ARHGAP12: variants seen among roughly 807,000 people sequenced by gnomAD.
The protein encoded by ARHGAP12 is rho GTPase-activating protein 12.
A neutral mutation model predicts 108.6 loss-of-function variants in ARHGAP12; 64 were observed. The observed-to-expected ratio is 0.59, with a 90% CI of 0.48 to 0.73. The LOEUF is 0.73. Ranked by LOEUF, ARHGAP12 falls within the 30% of genes least tolerant of loss-of-function variation. The pLI is 0.00. For synonymous variants in ARHGAP12, 312 were observed against 337.2 expected (o/e 0.93, Z 0.82); for missense variants, 940 against 1,005.9 (o/e 0.93, Z 0.89).
rs182245449 is a variant in ARHGAP12 at position 31,897,670 on chromosome 10, C to T, written c.684+10502G>A. Among the ~76,000 whole-genome samples, 10 of 152,180 alleles carry T rather than the reference C, an allele frequency of 6.6e-5. No individual in the cohort carries two copies. The East Asian group carries it at 1.9e-3, about 29-fold the overall frequency. ...AGTTTCTACTCAGATAACCCAATAC[C>T]CCACTTCAGTTCCTATCACCTGATA... On this transcript the variant is annotated intron_variant, in intron 3 of 19. Transcript: ENST00000344936.
chr10:31,854,905 G>A (rs535691593), intron 4 of ARHGAP12, among the ~76,000 whole-genome samples: 23 of 150,408 alleles, frequency 1.5e-4, no homozygotes, highest in Admixed American at 1.0e-3. Flanking sequence ...AAGGCCAGAG[G>A]ATCATTTGAG....
chr10:31,871,752 G>C (rs1837550604), intron 3 of ARHGAP12, among the ~76,000 whole-genome samples: 1 of 152,184 alleles, frequency 6.6e-6, no homozygotes, highest in Non-Finnish European at 1.5e-5. Context: ...CTATCTATCT[G>C]TATCTAGACG....
chr10:31,907,809 T>G (rs558496427), intron 3 of ARHGAP12, among the ~76,000 whole-genome samples: 1 of 152,018 alleles, frequency 6.6e-6, no homozygotes, highest in African/African-American at 2.4e-5. Flanking sequence ...CAAGTCAAAA[T>G]GGGTACAGGT....
At chr10:31,920,466 A>AAAAAAG (rs1839754247) in intron 1 of ARHGAP12, among the ~76,000 whole-genome samples, 1 of 151,054 alleles carries the variant, frequency 6.6e-6, no homozygotes, top group Admixed American at 6.6e-5. Context: ...AAAAAAAAAA[A>AAAAAAG]AAAAAGAAAA....
Position 31,854,224 on chromosome 10 carries a change from C to T in ARHGAP12, c.949-18G>A. 6.3e-7 allele frequency: 1 copy of T among 1,580,412 alleles called. No homozygotes were observed. Among genetic ancestry groups the T allele is most frequent in the East Asian group, 2.3e-5 (1 of 44,354 alleles). On this transcript the variant is annotated intron_variant, in intron 4 of 19. Coordinates refer to ENST00000344936, the MANE Select transcript of ARHGAP12 (RefSeq NM_018287.7). ...GAAAGAAGCTACAAATAGTCAGAAA[C>T]ATAAGGATTTTTCTTTTTTGAATAT...
Position 31,817,877 on chromosome 10 carries a change from G to GTTTCTCTAA in ARHGAP12, c.1641_1642insTTAGAGAAA (p.Thr547_Arg548insLeuGluLys). 1.2e-6 allele frequency: 2 copies of GTTTCTCTAA among 1,610,210 alleles called. No homozygotes were observed. The highest frequency in any genetic ancestry group is 4.5e-5 in the East Asian group (2 of 44,652). On this transcript the variant is annotated inframe_insertion, in exon 13 of 20. Transcript: ENST00000344936. ...TGAATTAGCAGTTCTGTTCCTTGAC[G>GTTTCTCTAA]AGTTTTCAGCTTTAGAGAAAAGCAG...
chr10:31,845,370 T>C (rs1291379426), intron 6 of ARHGAP12, among the ~76,000 whole-genome samples: 1 of 152,226 alleles, frequency 6.6e-6, no homozygotes, highest in Non-Finnish European at 1.5e-5. Context: ...AGAAGCGTGA[T>C]AGAAATGTTC....
At chr10:31,841,055 A>G (rs1836244542) in intron 7 of ARHGAP12, among the ~76,000 whole-genome samples, 1 of 151,254 alleles carries the variant, frequency 6.6e-6, no homozygotes, top group Admixed American at 6.6e-5. Context: ...ATAAAATGAT[A>G]ATTATATTTT....
intron 3 of ARHGAP12, among the ~76,000 whole-genome samples, chr10:31,889,278 C>T (rs559724135): frequency 6.6e-6 from 1 of 152,316 alleles, no homozygotes; most frequent in South Asian, 2.1e-4. Context: ...AACCCAGAAC[C>T]TGGCAGTATT....
Position 31,908,257 on chromosome 10 carries a change from T to C in ARHGAP12, c.599A>G (p.Asp200Gly), listed in dbSNP as rs772614625. Reference protein sequence around the residue: ...KTSFSQEQSCDSAGEGSERIH... With the variant: ...KTSFSQEQSCGSAGEGSERIH... ...TCTTTCAGAGCCTTCTCCTGCGGAATCACAAGATTGTTCCTGGGAGAAGCT... is the reference window on the plus strand; with the variant it reads ...TCTTTCAGAGCCTTCTCCTGCGGAACCACAAGATTGTTCCTGGGAGAAGCT... Residue 200 changes from aspartate (D) to glycine (G), a missense_variant, in exon 3 of 20, where the codon GAT (aspartate) becomes GGT (glycine). By Grantham distance (94) the Asp-to-Gly change is moderately conservative. Coordinates refer to ENST00000344936, the MANE Select transcript of ARHGAP12 (RefSeq NM_018287.7). 6.2e-7 allele frequency: 1 copy of C among 1,614,054 alleles called. No homozygotes were observed. The highest frequency in any genetic ancestry group is 2.2e-5 in the East Asian group (1 of 44,894).
chr10:31,865,750 C>T (rs1160340173), intron 3 of ARHGAP12, among the ~76,000 whole-genome samples: 3 of 151,780 alleles, frequency 2.0e-5, no homozygotes, highest in South Asian at 2.1e-4. Context: ...TGGTGGCGGG[C>T]GCCTGTAGTC....
intron 3 of ARHGAP12, among the ~76,000 whole-genome samples, chr10:31,896,180 T>G (rs1169630142): frequency 6.6e-6 from 1 of 151,862 alleles, no homozygotes; most frequent in Non-Finnish European, 1.5e-5. Flanking sequence ...ATGGCCCATG[T>G]ATACATATGT....
In ARHGAP12 at chr10:31,810,756, GATTT is replaced by G; in HGVS notation, c.1952-13_1952-10del. 3.1e-6 allele frequency: 5 copies of G among 1,595,744 alleles called. No individual in the cohort carries two copies. The highest frequency in any genetic ancestry group is 3.4e-6 in the Non-Finnish European group (4 of 1,168,492). ...GGATCCAAATACCTGATCTGAAAAA[GATTT>G]ATTTTTAAAAAGTCAATCACCTTGC... On this transcript the variant is annotated splice_polypyrimidine_tract_variant and intron_variant, in intron 15 of 19. Transcript: ENST00000344936.
chr10:31,870,131 T>C (rs948497448), intron 3 of ARHGAP12, among the ~76,000 whole-genome samples: 3 of 152,192 alleles, frequency 2.0e-5, no homozygotes, highest in African/African-American at 7.2e-5. Context: ...GCTGAACTTA[T>C]TTTTTTAAAT....
intron 16 of ARHGAP12, among the ~76,000 whole-genome samples, chr10:31,810,101 G>A (rs2132136176): frequency 6.6e-6 from 1 of 152,176 alleles, no homozygotes; most frequent in African/African-American, 2.4e-5. Context: ...AAGTTAATGT[G>A]ATTACAATAT....
At chr10:31,911,366 A>C (rs1839340929) in intron 1 of ARHGAP12, among the ~76,000 whole-genome samples, 1 of 152,184 alleles carries the variant, frequency 6.6e-6, no homozygotes, top group East Asian at 1.9e-4. Flanking sequence ...CGGAGGCTGG[A>C]GTGCAGCTGT....
At chr10:31,839,819 C>T (rs772284936) in intron 7 of ARHGAP12, 108 bp from the exon 8 acceptor site, 14 of 742,288 alleles carry the variant, frequency 1.9e-5, no homozygotes, top group East Asian at 1.2e-4. Flanking sequence ...ATTTTTTCCT[C>T]GTTATTTTCG....
At chr10:31,898,454 T>C (rs561184646) in intron 3 of ARHGAP12, among the ~76,000 whole-genome samples, 2 of 152,222 alleles carry the variant, frequency 1.3e-5, no homozygotes, top group African/African-American at 4.8e-5. Context: ...CCCTAATGCA[T>C]TGCTGGTGGG....
At chr10:31,865,270 TAC>T (rs763000569) in intron 3 of ARHGAP12, among the ~76,000 whole-genome samples, 17 of 152,140 alleles carry the variant, frequency 1.1e-4, no homozygotes, top group Non-Finnish European at 1.3e-4. Flanking sequence ...GGTACAGTAG[TAC>T]AGACAGAAGA....
Sources: gnomAD v4.1 joint callset for allele counts (sites outside exome capture counted in the v4.1 genomes callset) on GRCh38, gnomAD v4.1.1 for gene constraint, MANE v1.5 for transcripts, NCBI Gene and HGNC (gene_info 2026-07-23, HGNC 2026-07-21) for gene names.